Variants in ZMAT4 observed in about 807,000 individuals in gnomAD.
ZMAT4 encodes the protein zinc finger matrin-type 4.
ZMAT4 carries 17 observed loss-of-function variants against 28.7 expected under a neutral mutation model. That is an observed-to-expected ratio of 0.59 (90% CI 0.41 to 0.89). The LOEUF is 0.89. Ranked by LOEUF, ZMAT4 falls within the 40% of genes least tolerant of loss-of-function variation. The pLI, the probability that ZMAT4 is intolerant of heterozygous loss-of-function variation, is 0.00. For missense variants in ZMAT4, 240 were observed against 283.8 expected, an observed-to-expected ratio of 0.85 and a Z score of 1.11; for synonymous variants, 117 against 109.2, an observed-to-expected ratio of 1.07 and a Z score of -0.44.
rs540067473 is a variant in ZMAT4, at chr8:40,844,255, T to C, written c.-4-18575A>G. Among the ~76,000 whole-genome samples, 30 of 152,322 alleles carry C rather than the reference T, an allele frequency of 2.0e-4. No individual in the cohort carries two copies. In the South Asian group the frequency reaches 6.0e-3, roughly 31 times the overall value. ...CAGAGAGCTGGTAAAACAGTATTTCTGGGTATGTCAATGATGGCGTTCCCA... is the reference window on the plus strand; with the variant it reads ...CAGAGAGCTGGTAAAACAGTATTTCCGGGTATGTCAATGATGGCGTTCCCA... On this transcript the variant is annotated intron_variant, in intron 1 of 6. Coordinates refer to ENST00000297737, the MANE Select transcript of ZMAT4 (RefSeq NM_024645.3).
chr8:40,714,241 A>G (rs980941060), intron 3 of ZMAT4, among the ~76,000 whole-genome samples: 18 of 152,172 alleles, frequency 1.2e-4, no homozygotes, highest in Non-Finnish European at 2.4e-4. Context: ...CTGGAAATTT[A>G]TTCTAGGAAA....
chr8:40,666,880 C>T (rs570141667), intron 5 of ZMAT4, among the ~76,000 whole-genome samples: 1 of 151,804 alleles, frequency 6.6e-6, no homozygotes, highest in Admixed American at 6.6e-5. Context: ...CTAGAAATAT[C>T]AAAAAATTAA....
At chr8:40,622,821 A>G (rs1806246799) in intron 5 of ZMAT4, among the ~76,000 whole-genome samples, 1 of 152,188 alleles carries the variant, frequency 6.6e-6, no homozygotes, top group Non-Finnish European at 1.5e-5. Context: ...TGAAGAGAGT[A>G]CATGTCATTC....
intron 2 of ZMAT4, among the ~76,000 whole-genome samples, chr8:40,793,833 A>G (rs1814466869): frequency 6.6e-6 from 1 of 152,194 alleles, no homozygotes; most frequent in African/African-American, 2.4e-5. Flanking sequence ...CACCTTCTTC[A>G]GGAAAAGTGT....
chr8:40,585,921 CATAA>C (rs1430506756), intron 5 of ZMAT4, among the ~76,000 whole-genome samples: 1 of 152,136 alleles, frequency 6.6e-6, no homozygotes, highest in African/African-American at 2.4e-5. Context: ...TTGCAATAGG[CATAA>C]ATATTTATGT....
At chr8:40,649,195 A>T (rs1341661061) in intron 5 of ZMAT4, among the ~76,000 whole-genome samples, 1 of 152,192 alleles carries the variant, frequency 6.6e-6, no homozygotes, top group African/African-American at 2.4e-5. Context: ...ACGTGCAGAG[A>T]CACACATAGA....
chr8:40,654,429 T>C (rs1243266055), intron 5 of ZMAT4, among the ~76,000 whole-genome samples: 6 of 152,140 alleles, frequency 3.9e-5, no homozygotes, highest in Non-Finnish European at 8.8e-5. Flanking sequence ...ATCTTTTTCA[T>C]TGTTTAACCC....
chr8:40,634,216 G>C lies in ZMAT4; in HGVS notation c.577+40488C>G, dbSNP rs570240427. On this transcript the variant is annotated intron_variant, in intron 5 of 6. Transcript: ENST00000297737. ...CTGGGAGATGGAGAATTCTCTAAAA[G>C]ATTGTTTAAACATCAGACACAACGG... is the stretch of plus-strand genomic sequence containing the variant. Among the ~76,000 whole-genome samples the C allele has an allele frequency of 2.5e-3, 388 of 152,340 alleles. 4 individuals are homozygous for C. Among genetic ancestry groups the C allele is most frequent in the Admixed American group, 4.6e-3 (70 of 15,300 alleles).
chr8:40,781,820 T>C (rs1179178306), intron 2 of ZMAT4, among the ~76,000 whole-genome samples: 1 of 145,896 alleles, frequency 6.9e-6, no homozygotes, highest in African/African-American at 2.5e-5. Context: ...AATCCTTCCA[T>C]TGGTGGTTAA....
intron 3 of ZMAT4, among the ~76,000 whole-genome samples, chr8:40,747,069 C>T (rs981109372): frequency 2.0e-5 from 3 of 152,236 alleles, no homozygotes; most frequent in Admixed American, 6.5e-5. Flanking sequence ...GGACCCTTCC[C>T]GGCTGTGCTC....
At chr8:40,852,977 G>A (rs1817165598) in intron 1 of ZMAT4, among the ~76,000 whole-genome samples, 1 of 152,098 alleles carries the variant, frequency 6.6e-6, no homozygotes. Context: ...GGTCAGTTAT[G>A]TTCCTTGAAA....
At chr8:40,562,234 AC>A (rs1293292234) in intron 6 of ZMAT4, among the ~76,000 whole-genome samples, 1 of 151,748 alleles carries the variant, frequency 6.6e-6, no homozygotes, top group East Asian at 1.9e-4. Context: ...CTAAAACTTA[AC>A]TCCCTCACTC....
intron 1 of ZMAT4, among the ~76,000 whole-genome samples, chr8:40,875,202 T>C (rs1252972735): frequency 6.6e-6 from 1 of 152,186 alleles, no homozygotes; most frequent in Non-Finnish European, 1.5e-5. Flanking sequence ...TGGGCAAACA[T>C]AATTGACCCC....
intron 3 of ZMAT4, among the ~76,000 whole-genome samples, chr8:40,699,623 A>ACCG (rs1810045509): frequency 2.0e-5 from 2 of 100,038 alleles, no homozygotes; most frequent in African/African-American, 6.7e-5. Flanking sequence ...CACACACACC[A>ACCG]TGGAATACTA....
intron 1 of ZMAT4, among the ~76,000 whole-genome samples, chr8:40,881,354 C>T (rs1183952828): frequency 6.7e-6 from 1 of 149,804 alleles, no homozygotes; most frequent in African/African-American, 2.5e-5. Context: ...CACCACTGCA[C>T]TCCAGCCTGG....
rs1411361962 is a variant in ZMAT4, at chr8:40,756,447, TATATATATATAC to T, written c.192+11182_192+11193del. On this transcript the variant is annotated intron_variant, in intron 3 of 6. Transcript: ENST00000297737. ...TCTTTTATATATATATATATATATA[TATATATATATAC>T]ACACTTGTATACCTGAAAAAGAGAT... 1.2e-3 allele frequency among the ~76,000 whole-genome samples: 156 copies of T among 128,194 alleles called. 13 individuals carry two copies. Among genetic ancestry groups the T allele is most frequent in the African/African-American group, 4.2e-3 (146 of 34,994 alleles). The allele number at this position is 128,194 out of a possible 152,430, so 84.1% of individuals were successfully genotyped here.
chr8:40,852,243 T>C (rs1817136602), intron 1 of ZMAT4, among the ~76,000 whole-genome samples: 1 of 152,160 alleles, frequency 6.6e-6, no homozygotes, highest in African/African-American at 2.4e-5. Context: ...TCTAGTACCC[T>C]CTGTTCTACT....
In ZMAT4 at chr8:40,846,871, T is replaced by C. The variant is rs186147555; in HGVS notation, c.-4-21191A>G. Among the ~76,000 whole-genome samples the C allele has an allele frequency of 3.2e-3, 484 of 152,282 alleles. 2 individuals are homozygous for C. The highest frequency in any genetic ancestry group is 0.01 in the Admixed American group (158 of 15,300). ...AAAGCATAATTCAGGCTGTTCTGTA[T>C]GGCTTTTAAACACACACACCCTTCC... On this transcript the variant is annotated intron_variant, in intron 1 of 6. Transcript: ENST00000297737.
intron 6 of ZMAT4, among the ~76,000 whole-genome samples, chr8:40,562,443 T>G (rs570225243): frequency 6.6e-6 from 1 of 151,418 alleles, no homozygotes; most frequent in African/African-American, 2.4e-5. Context: ...AGACTACTTT[T>G]ATGAAATTCC....
Sources: allele counts gnomAD v4.1 joint callset (sites outside exome capture counted in the v4.1 genomes callset), GRCh38; gene constraint gnomAD v4.1.1; transcripts MANE v1.5; gene names NCBI Gene and HGNC (gene_info 2026-07-23, HGNC 2026-07-21).